Variants in TNKS1BP1 observed in about 807,000 individuals in gnomAD.
The protein encoded by TNKS1BP1 is 182 kDa tankyrase-1-binding protein.
In TNKS1BP1, 48 loss-of-function variants were observed where a neutral mutation model predicts 141.1. That is an observed-to-expected ratio of 0.34 (90% confidence interval 0.27 to 0.43). The LOEUF (loss-of-function observed/expected upper bound fraction) is 0.43, where lower values mean the gene tolerates loss of function less well. Among genes scored for constraint, TNKS1BP1 ranks in the 20% least tolerant of loss-of-function variants. The pLI is 1.00. For synonymous variants in TNKS1BP1, 875 were observed against 898.2 expected, an observed-to-expected ratio of 0.97 and a Z score of 0.46; for missense variants, 2,149 against 2,226.0, an observed-to-expected ratio of 0.97 and a Z score of 0.70.
In TNKS1BP1 at chr11:57,324,858, G is replaced by A; in HGVS notation, c.-84C>T. On this transcript the variant is annotated 5_prime_UTR_variant, in exon 1 of 12. Transcript: ENST00000358252. ...CACTCACGCGCTCGCCCGGGGTCCG[G>A]CTCCGCTCGGCTCGGGGCCCCGATG... 2.0e-6 allele frequency: 2 copies of A among 988,094 alleles called. No individual in the cohort carries two copies. Among genetic ancestry groups the A allele is most frequent in the Non-Finnish European group, 2.4e-6 (2 of 832,134 alleles). 61.2% of individuals were successfully genotyped at this position (988,094 alleles called of 1,614,324 possible).
In TNKS1BP1 at chr11:57,321,835, G is replaced by T. The variant is rs1481536045; in HGVS notation, c.51C>A (p.Pro17=). The T allele has an allele frequency of 1.2e-6, 2 of 1,613,806 alleles. No homozygotes were observed. Among genetic ancestry groups the T allele is most frequent in the Admixed American group, 1.7e-5 (1 of 60,010 alleles). The part of the protein sequence containing the change: ...RESSAMASPL[P]REMEEELVPT... ...GCACCAGCTCCTCCTCCATCTCCCG[G>T]GGCAGTGGGGAAGCCATGGCTGAGC... The change falls in exon 2 of 12, where the codon CCC becomes CCA. Residue 17 remains proline, a synonymous_variant. Transcript: ENST00000358252.
intron 9 of TNKS1BP1, among the ~76,000 whole-genome samples, chr11:57,301,511 G>A (rs1339414806): frequency 6.6e-6 from 1 of 152,138 alleles, no homozygotes; most frequent in Non-Finnish European, 1.5e-5. Context: ...TCTCCTCAGG[G>A]ACACCTAAAC....
rs1412954579 is a variant in TNKS1BP1, at chr11:57,313,252, G to A, written c.1436C>T (p.Thr479Ile). ...NWSLSQSFEW[T>I]FPTRPSGLGV... ...CAGACCCGAGGGCCTCGTGGGGAAG[G>A]TCCATTCGAAGGACTGTGATAAGCT... The change falls in exon 5 of 12, where the codon ACC (threonine) becomes ATC (isoleucine). Residue 479 changes from threonine (T) to isoleucine (I), a missense_variant. Transcript: ENST00000358252. 1.9e-6 allele frequency: 3 copies of A among 1,612,786 alleles called. No homozygotes were observed. The highest frequency in any genetic ancestry group is 1.7e-5 in the Admixed American group (1 of 60,012).
Position 57,312,523 on chromosome 11 carries a change from C to A in TNKS1BP1, c.2154+11G>T. On this transcript the variant is annotated intron_variant, in intron 5 of 11. Transcript: ENST00000358252. ...CCCCAGAAGTCCCATTCTCCCTATG[C>A]CCATTCTCACCTCAGAGCAGGTACT... The A allele has an allele frequency of 2.0e-6, 3 of 1,465,240 alleles. No individual in the cohort carries two copies. The highest frequency in any genetic ancestry group is 1.6e-5 in the South Asian group (1 of 63,942). 90.8% of individuals were successfully genotyped at this position (1,465,240 alleles called of 1,614,324 possible). A position where few individuals can be genotyped will look rare whatever the true frequency, so the allele number is the denominator to read the frequency against.
At position 57,310,145 on chromosome 11, in the gene TNKS1BP1, A is replaced by G; in HGVS notation, c.2566T>C (p.Ser856Pro). Residue 856 changes from serine (S) to proline (P), a missense_variant, in exon 6 of 12, where the codon TCC (serine) becomes CCC (proline). By Grantham distance (74) the Ser-to-Pro change is moderately conservative. Transcript: ENST00000358252. ...TCCTGGAGTTCTGCATCCCGGCTGGAGTAAGTGCCCTGGGAATCCCTCTTT... is the reference window on the plus strand; with the variant it reads ...TCCTGGAGTTCTGCATCCCGGCTGGGGTAAGTGCCCTGGGAATCCCTCTTT... ...FRKRDSQGTY[S>P]SRDAELQDQE... The G allele has an allele frequency of 6.2e-7, 1 of 1,614,104 alleles. No individual in the cohort carries two copies. The highest frequency in any genetic ancestry group is 8.5e-7 in the Non-Finnish European group (1 of 1,180,028).
Position 57,302,362 on chromosome 11 carries a change from G to T in TNKS1BP1, c.4683+97C>A. 1 of 1,540,854 alleles carries T rather than the reference G, an allele frequency of 6.5e-7. No individual in the cohort carries two copies. ...GTGACGCACCTACAACCCGCTTTCT[G>T]CCTCCTGGACTGGGACTGCTCAGGG... On this transcript the variant is annotated intron_variant, in intron 7 of 11. Coordinates refer to ENST00000358252, the MANE Select transcript of TNKS1BP1 (RefSeq NM_033396.3). This position sits in a 1 kb window ranked among gnomAD's most constrained non-coding sequence, Gnocchi z 5.5.
In TNKS1BP1 at chr11:57,324,911, A is replaced by ACCG. The variant is rs888381913; in HGVS notation, c.-140_-138dup. On this transcript the variant is annotated 5_prime_UTR_variant, in exon 1 of 12. Coordinates refer to ENST00000358252, the MANE Select transcript of TNKS1BP1 (RefSeq NM_033396.3). ...AGTCCCCGCCGCCGCCGCCGCTGCT[A>ACCG]CCGCCGCCGCCGCCGCCGTCACCGC... 5.6e-5 allele frequency: 55 copies of ACCG among 984,852 alleles called. No individual in the cohort carries two copies. In the Admixed American group the frequency reaches 1.1e-3, roughly 20 times the overall value. 61.0% of individuals were successfully genotyped at this position (984,852 alleles called of 1,614,324 possible). A position where few individuals can be genotyped will look rare whatever the true frequency, so the allele number is the denominator to read the frequency against.
Position 57,317,803 on chromosome 11 carries a change from T to A in TNKS1BP1, c.798+15A>T. On this transcript the variant is annotated intron_variant, in intron 4 of 11. Coordinates refer to ENST00000358252, the MANE Select transcript of TNKS1BP1 (RefSeq NM_033396.3). ...AAAATACGTGATTCTGATTCATAAC[T>A]GGAGGATAACTCACATCAGCAGGTA... is the stretch of plus-strand genomic sequence containing the variant. The A allele has an allele frequency of 6.2e-7, 1 of 1,611,962 alleles. No individual in the cohort carries two copies. The highest frequency in any genetic ancestry group is 8.5e-7 in the Non-Finnish European group (1 of 1,178,140).
At chr11:57,319,464 T>C (rs1317472163) in intron 3 of TNKS1BP1, among the ~76,000 whole-genome samples, 1 of 152,106 alleles carries the variant, frequency 6.6e-6, no homozygotes, top group Non-Finnish European at 1.5e-5. Context: ...GCTCTCAGTA[T>C]ATAGAAACTA....
rs1565037699 is a variant in TNKS1BP1, at chr11:57,302,751, C to T, written c.4391G>A (p.Ser1464Asn). 2 of 1,577,628 alleles carry T rather than the reference C, an allele frequency of 1.3e-6. No homozygotes were observed. The highest frequency in any genetic ancestry group is 1.7e-6 in the Non-Finnish European group (2 of 1,166,240). The change falls in exon 7 of 12, where the codon AGC becomes AAC. Residue 1464 changes from serine (S) to asparagine (N), a missense_variant. By Grantham distance (46) the Ser-to-Asn change is conservative. Coordinates refer to ENST00000358252, the MANE Select transcript of TNKS1BP1 (RefSeq NM_033396.3). The surrounding 1 kb of genome is among the most constrained non-coding windows in gnomAD (Gnocchi z 5.5). ...GLLEEMLAASSSKAVARRESA... is the reference protein window; with the variant it reads ...GLLEEMLAASNSKAVARRESA... ...CTCCCTCCGAGCCACCGCCTTGGAG[C>T]TGCTGGCTGCCAGCATCTCCTCCAG...
At position 57,320,132 on chromosome 11, in the gene TNKS1BP1, T is replaced by C. The variant is rs756640685; in HGVS notation, c.675A>G (p.Pro225=). Residue 225 remains proline, a synonymous_variant, in exon 3 of 12, where the codon CCA becomes CCG. Coordinates refer to ENST00000358252, the MANE Select transcript of TNKS1BP1 (RefSeq NM_033396.3). ...TLFRGWSQEG[P]VKSPAECREE... ...CCCGGCACTCTGCTGGAGACTTTAC[T>C]GGCCCCTCCTGGGACCATCCCCTGA... 16 of 1,602,326 alleles carry C rather than the reference T, an allele frequency of 1.0e-5. No homozygotes were observed. Among genetic ancestry groups the C allele is most frequent in the South Asian group, 6.6e-5 (6 of 90,856 alleles).
chr11:57,320,020 C>CCCA, intron 3 of TNKS1BP1, 59 bp downstream of exon 3: 119 of 1,213,858 alleles, frequency 9.8e-5, no homozygotes, highest in Non-Finnish European at 1.3e-4. Context: ...AGCCCCCACC[C>CCCA]AATCCCACCC....
intron 1 of TNKS1BP1, among the ~76,000 whole-genome samples, chr11:57,323,552 C>T (rs1855917400): frequency 6.6e-6 from 1 of 152,172 alleles, no homozygotes; most frequent in East Asian, 1.9e-4. Flanking sequence ...TCATCCTCTG[C>T]AAAATCCAAC....
intron 1 of TNKS1BP1, among the ~76,000 whole-genome samples, chr11:57,324,384 G>A (rs1294277780): frequency 3.3e-5 from 5 of 152,212 alleles, no homozygotes; most frequent in African/African-American, 1.2e-4. Context: ...CGGCAGAAGC[G>A]GAGGACCTGT....
chr11:57,312,815 C>T lies in TNKS1BP1; in HGVS notation c.1873G>A (p.Ala625Thr). 1 of 1,611,924 alleles carries T rather than the reference C, an allele frequency of 6.2e-7. No homozygotes were observed. Among genetic ancestry groups the T allele is most frequent in the Non-Finnish European group, 8.5e-7 (1 of 1,178,986 alleles). Residue 625 changes from alanine (A) to threonine (T), a missense_variant, in exon 5 of 12, where the codon GCA (alanine) becomes ACA (threonine). Coordinates refer to ENST00000358252, the MANE Select transcript of TNKS1BP1 (RefSeq NM_033396.3). ...AGAACACAGGGCTGGTCAGGGGCTG[C>T]TGGCTGCTCCTGCCCCAGGACTGGC... ...LEPVLGQEQP[A>T]APDQPCVLFA...
chr11:57,308,960 T>C lies in TNKS1BP1; in HGVS notation c.3751A>G (p.Arg1251Gly). 2.5e-6 allele frequency: 4 copies of C among 1,614,176 alleles called. No individual in the cohort carries two copies. The highest frequency in any genetic ancestry group is 1.1e-5 in the South Asian group (1 of 91,076). ...TCAGTCTGCCCCACGCCACTCTCTC[T>C]GGCCTGGCTGTGGCCTCCTCCCTCC... ...VGEGGGHSQA[R>G]ESGVGQTDWS... The change falls in exon 6 of 12, where the codon AGA becomes GGA. Residue 1251 changes from arginine to glycine, a missense_variant. By Grantham distance (125) the Arg-to-Gly change is moderately radical (BLOSUM62 -2). Coordinates refer to ENST00000358252, the MANE Select transcript of TNKS1BP1 (RefSeq NM_033396.3).
At position 57,313,035 on chromosome 11, in the gene TNKS1BP1, G is replaced by C; in HGVS notation, c.1653C>G (p.Ser551=). 6.2e-7 allele frequency: 1 copy of C among 1,613,898 alleles called. No homozygotes were observed. The highest frequency in any genetic ancestry group is 8.5e-7 in the Non-Finnish European group (1 of 1,180,034). The change falls in exon 5 of 12, where the codon TCC becomes TCG. Residue 551 remains serine, a synonymous_variant. Transcript: ENST00000358252. ...TCTCCCCATCGCCCTTCTGGGTGAG[G>C]GACATGCTTGGATCATCCCCCTGCA... ...SWVQGDDPSM[S]LTQKGDGESQ... is the part of the protein sequence containing the mutation.
chr11:57,309,009 C>T lies in TNKS1BP1; in HGVS notation c.3702G>A (p.Lys1234=). The change falls in exon 6 of 12, where the codon AAG becomes AAA. Residue 1234 remains lysine (K), a synonymous_variant. Transcript: ENST00000358252. The surrounding 1 kb of genome is among the most constrained non-coding windows in gnomAD (Gnocchi z 4.3). ...EKDWTSDVNV[K]SKDLAEVGEG... The stretch of plus-strand genomic sequence containing the variant: ...CCCCGACCTCAGCCAAATCTTTGCT[C>T]TTCACATTAACATCAGAAGTCCAGT... The T allele has an allele frequency of 6.2e-7, 1 of 1,614,190 alleles. No homozygotes were observed. The highest frequency in any genetic ancestry group is 1.3e-5 in the African/African-American group (1 of 75,032).
At chr11:57,320,030 C>T in intron 3 of TNKS1BP1, 49 bp downstream of exon 3, 1 of 1,553,492 alleles carries the variant, frequency 6.4e-7, no homozygotes, top group Non-Finnish European at 8.8e-7. Context: ...CAATCCCACC[C>T]CACCTGACCT....
Sources: allele counts gnomAD v4.1 joint callset (sites outside exome capture counted in the v4.1 genomes callset), GRCh38; gene constraint gnomAD v4.1.1; non-coding constraint Gnocchi (gnomAD v3.1); transcripts MANE v1.5; gene names NCBI Gene and HGNC (gene_info 2026-07-23, HGNC 2026-07-21).